Variants in TUSC3 observed in about 807,000 individuals in gnomAD.
TUSC3 encodes tumor suppressor candidate 3, also known as dolichyl-diphosphooligosaccharide--protein glycosyltransferase subunit TUSC3.
Under a neutral mutation model 44.8 loss-of-function variants are expected in TUSC3, and 45 were observed. That is an observed-to-expected ratio of 1.00 (90% CI 0.79 to 1.29). The LOEUF is 1.29. TUSC3 is among the 50% of genes most tolerant of loss of function. The pLI is 0.00. For synonymous variants in TUSC3, 212 were observed against 152.9 expected, an observed-to-expected ratio of 1.39 and a Z score of -2.85; for missense variants, 519 against 437.9, an observed-to-expected ratio of 1.19 and a Z score of -1.65.
At chr8:15,648,791 T>C (rs1038332334) in intron 2 of TUSC3, among the ~76,000 whole-genome samples, 1 of 139,504 alleles carries the variant, frequency 7.2e-6, no homozygotes, top group Non-Finnish European at 1.5e-5. Flanking sequence ...CATCTTGTTA[T>C]CACGTACCAT....
At chr8:15,805,720 G>A in the TUSC3 span, among the ~76,000 whole-genome samples, 1 of 152,210 alleles carries the variant, frequency 6.6e-6, no homozygotes, top group Middle Eastern at 3.4e-3. Flanking sequence ...ACTGGATTCA[G>A]TTTGCTAGGA....
At chr8:15,601,703 C>A (rs1428704093) in intron 1 of TUSC3, among the ~76,000 whole-genome samples, 1 of 151,478 alleles carries the variant, frequency 6.6e-6, no homozygotes, top group East Asian at 1.9e-4. Flanking sequence ...TCTTAGGAGG[C>A]TGGGAAGGAA....
intron 6 of TUSC3, among the ~76,000 whole-genome samples, chr8:15,681,645 A>G (rs938435805): frequency 8.1e-5 from 12 of 148,796 alleles, no homozygotes; most frequent in African/African-American, 2.7e-4. Flanking sequence ...GATTCTTTAT[A>G]TGGATTTCTG....
At chr8:15,785,719 G>A in the TUSC3 span, among the ~76,000 whole-genome samples, 154 of 152,088 alleles carry the variant, frequency 1.0e-3, no homozygotes, top group East Asian at 0.018. Context: ...TGGGCCTCAC[G>A]TGGAGCTCTG....
chr8:15,739,831 C>G (rs1164910080), intron 7 of TUSC3, among the ~76,000 whole-genome samples: 1 of 152,124 alleles, frequency 6.6e-6, no homozygotes, highest in African/African-American at 2.4e-5. Context: ...TACTTCATTA[C>G]TTTTGTGCTT....
At chr8:15,817,698 G>C in the TUSC3 span, among the ~76,000 whole-genome samples, 1 of 152,128 alleles carries the variant, frequency 6.6e-6, no homozygotes, top group Non-Finnish European at 1.5e-5. Context: ...GGCCTCCCAA[G>C]CCCTGTAGAA....
At chr8:15,644,342 A>T (rs922879681) in intron 2 of TUSC3, among the ~76,000 whole-genome samples, 1 of 152,216 alleles carries the variant, frequency 6.6e-6, no homozygotes, top group East Asian at 1.9e-4. Context: ...CACTACATTC[A>T]TGAAGTTAGG....
At chr8:15,821,468 T>C in the TUSC3 span, among the ~76,000 whole-genome samples, 1 of 151,350 alleles carries the variant, frequency 6.6e-6, no homozygotes, top group Admixed American at 6.6e-5. Flanking sequence ...TTCTTCAAGA[T>C]TTTTTTCTTT....
chr8:15,446,813 C>T (rs1800111229), intron 1 of TUSC3, among the ~76,000 whole-genome samples: 1 of 147,878 alleles, frequency 6.8e-6, no homozygotes, highest in South Asian at 2.1e-4. Flanking sequence ...TAAATAAAGA[C>T]ATGGCCTCTT....
At chr8:15,483,210 G>T (rs569086435) in intron 1 of TUSC3, among the ~76,000 whole-genome samples, 1 of 152,118 alleles carries the variant, frequency 6.6e-6, no homozygotes, top group African/African-American at 2.4e-5. Context: ...AGAAATGGGA[G>T]TAAATAGGAA....
rs188581702 is a variant in TUSC3, at chr8:15,431,351, T to C, written n.91+14046T>C. Among the ~76,000 whole-genome samples the C allele has an allele frequency of 2.7e-4, 41 of 151,926 alleles. 1 individual carries two copies. The highest frequency in any genetic ancestry group is 9.2e-4 in the African/African-American group (38 of 41,238). On this transcript the variant is annotated intron_variant and non_coding_transcript_variant, in intron 1 of 5. Coordinates refer to the TUSC3 transcript ENST00000503191. The stretch of plus-strand genomic sequence containing the variant: ...TATATCTATCTATTTGTGTCTTCAA[T>C]TTATTTGATCATTGTTCTTTAGTTT...
intron 5 of TUSC3, among the ~76,000 whole-genome samples, chr8:15,665,123 A>G (rs1807601803): frequency 6.6e-6 from 1 of 151,612 alleles, no homozygotes; most frequent in Non-Finnish European, 1.5e-5. Flanking sequence ...AAAAATGTAT[A>G]TTTTTAAATT....
At position 15,456,553 on chromosome 8, in the gene TUSC3, G is replaced by C. The variant is rs182859755; in HGVS notation, n.92-26833G>C. On this transcript the variant is annotated intron_variant and non_coding_transcript_variant, in intron 1 of 5. Coordinates refer to the TUSC3 transcript ENST00000503191. The stretch of plus-strand genomic sequence containing the variant: ...ACTAATTAATAAAGAGTGATATTAG[G>C]GTAGAAAAAAAATTATTCGTGAGCT... 5.4e-3 allele frequency among the ~76,000 whole-genome samples: 826 copies of C among 151,942 alleles called. 7 individuals carry two copies. The highest frequency in any genetic ancestry group is 0.019 in the African/African-American group (791 of 41,428).
chr8:15,434,425 CT>C lies in TUSC3; in HGVS notation n.91+17128del, dbSNP rs1554501209. Reference sequence around the variant, plus strand: ...CAAAATCTTCCAGATTGTGACTTTTCTTTTTTTTAGTAATGTCTTTCAAAGA... The same window carrying C: ...CAAAATCTTCCAGATTGTGACTTTTCTTTTTTTAGTAATGTCTTTCAAAGA... On this transcript the variant is annotated intron_variant and non_coding_transcript_variant, in intron 1 of 5. Coordinates refer to the TUSC3 transcript ENST00000503191. Among the ~76,000 whole-genome samples, 7 of 149,322 alleles carry C rather than the reference CT, an allele frequency of 4.7e-5. 1 individual carries two copies. The highest frequency in any genetic ancestry group is 1.5e-5 in the Non-Finnish European group (1 of 67,224).
At chr8:15,686,032 G>A (rs1320941083) in intron 6 of TUSC3, among the ~76,000 whole-genome samples, 1 of 152,090 alleles carries the variant, frequency 6.6e-6, no homozygotes, top group East Asian at 1.9e-4. Context: ...TGCAGGCAGT[G>A]TGATGCGGTG....
chr8:15,683,190 C>G (rs1808494815), intron 6 of TUSC3, among the ~76,000 whole-genome samples: 1 of 152,162 alleles, frequency 6.6e-6, no homozygotes, highest in Non-Finnish European at 1.5e-5. Flanking sequence ...TTTGCACTTT[C>G]ATTTCTCTAG....
chr8:15,575,340 T>G, intron 1 of TUSC3, among the ~76,000 whole-genome samples: 1 of 152,194 alleles, frequency 6.6e-6, no homozygotes, highest in Admixed American at 6.5e-5. Context: ...TTTGCAATGA[T>G]ATTCAAATAT....
intron 6 of TUSC3, among the ~76,000 whole-genome samples, chr8:15,723,814 C>T (rs1370843570): frequency 6.6e-6 from 1 of 152,068 alleles, no homozygotes; most frequent in East Asian, 1.9e-4. Flanking sequence ...AAAAAAGAAA[C>T]TGAAAAGAAA....
At chr8:15,555,276 ATT>A (rs35757466) in intron 1 of TUSC3, among the ~76,000 whole-genome samples, 27 of 44,888 alleles carry the variant, frequency 6.0e-4, no homozygotes, top group African/African-American at 1.9e-3. Flanking sequence ...TGCCAGGCTA[ATT>A]TTTTTTTTTT....
Sources: gnomAD v4.1 joint callset for allele counts (sites outside exome capture counted in the v4.1 genomes callset) on GRCh38, gnomAD v4.1.1 for gene constraint, MANE v1.5 for transcripts, NCBI Gene and HGNC (gene_info 2026-07-23, HGNC 2026-07-21) for gene names.